The following SORCS1 variants were observed in gnomAD, a reference collection of about 807,000 sequenced individuals.
The protein encoded by SORCS1 is VPS10 domain-containing receptor SorCS1.
In SORCS1, 60 loss-of-function variants were observed where a neutral mutation model predicts 146.1. The ratio of observed to expected loss-of-function variants is 0.41; its 90% CI spans 0.33 to 0.51. SORCS1 has a LOEUF of 0.51. SORCS1 is among the 20% of genes least tolerant of loss of function. The probability of loss-of-function intolerance (pLI) is 0.21; values close to 1 mark genes in which losing one functional copy is unlikely to be tolerated. For synonymous variants in SORCS1, 637 were observed against 584.0 expected (o/e 1.09, Z -1.31); for missense variants, 1,352 against 1,487.6 (o/e 0.91, Z 1.50).
chr10:106,947,022 G>A (rs752852946), intron 2 of SORCS1, among the ~76,000 whole-genome samples: 12 of 152,142 alleles, frequency 7.9e-5, no homozygotes, highest in Non-Finnish European at 1.8e-4. Flanking sequence ...GGTCCACAGT[G>A]CCACAGTCCA....
chr10:106,643,889 A>G (rs577908688), intron 18 of SORCS1, among the ~76,000 whole-genome samples: 2 of 152,310 alleles, frequency 1.3e-5, no homozygotes, highest in South Asian at 4.1e-4. Flanking sequence ...CTTGTTTCAG[A>G]TCTTGCTATA....
chr10:106,801,161 T>C (rs1372401880), intron 3 of SORCS1, among the ~76,000 whole-genome samples: 1 of 152,168 alleles, frequency 6.6e-6, no homozygotes, highest in Non-Finnish European at 1.5e-5. Context: ...ATTAGCTCAT[T>C]AAATATTTAT....
At chr10:106,800,582 C>T (rs1388212806) in intron 3 of SORCS1, among the ~76,000 whole-genome samples, 7 of 139,406 alleles carry the variant, frequency 5.0e-5, no homozygotes, top group East Asian at 2.1e-4. Flanking sequence ...AGTGTAGTGG[C>T]GCGATCTCGG....
intron 1 of SORCS1, among the ~76,000 whole-genome samples, chr10:107,055,007 C>A (rs1432643111): frequency 1.3e-5 from 2 of 152,138 alleles, no homozygotes; most frequent in African/African-American, 4.8e-5. Flanking sequence ...GACATGAACA[C>A]AGATACCTCT....
chr10:106,815,365 T>C (rs1432458719), intron 3 of SORCS1, among the ~76,000 whole-genome samples: 2 of 152,190 alleles, frequency 1.3e-5, no homozygotes, highest in African/African-American at 4.8e-5. Context: ...AGATACATAA[T>C]ATCCAGTATC....
rs188521384 is a variant in SORCS1 at position 106,821,361 on chromosome 10, A to G, written c.726+8213T>C. Reference sequence around the variant, plus strand: ...TTAGAAGAGATTTATAGGTGGACCTATCTATTACCTTTCTACCTATTTATT... The same window carrying G: ...TTAGAAGAGATTTATAGGTGGACCTGTCTATTACCTTTCTACCTATTTATT... On this transcript the variant is annotated intron_variant, in intron 3 of 25. Transcript: ENST00000263054. Among the ~76,000 whole-genome samples, 22 of 152,320 alleles carry G rather than the reference A, an allele frequency of 1.4e-4. 1 individual carries two copies. The East Asian group carries it at 4.2e-3, about 29-fold the overall frequency.
At chr10:106,913,932 G>T (rs1051978618) in intron 2 of SORCS1, among the ~76,000 whole-genome samples, 1 of 152,144 alleles carries the variant, frequency 6.6e-6, no homozygotes, top group African/African-American at 2.4e-5. Context: ...GAAAATACAA[G>T]TTGAGTCCCT....
chr10:106,958,054 G>A (rs1212779626), intron 1 of SORCS1, among the ~76,000 whole-genome samples: 1 of 152,218 alleles, frequency 6.6e-6, no homozygotes, highest in Non-Finnish European at 1.5e-5. Flanking sequence ...CCGGAAGACA[G>A]CTTCTTTTGG....
chr10:106,585,443 C>A (rs1377591498), intron 24 of SORCS1, among the ~76,000 whole-genome samples: 1 of 152,118 alleles, frequency 6.6e-6, no homozygotes, highest in Non-Finnish European at 1.5e-5. Context: ...CCTACACACA[C>A]AAATGTTCCC....
chr10:106,645,007 A>G (rs1161666858), intron 18 of SORCS1, among the ~76,000 whole-genome samples: 1 of 152,160 alleles, frequency 6.6e-6, no homozygotes, highest in African/African-American at 2.4e-5. Context: ...GCTGGGACAT[A>G]GGTGGTATAC....
At chr10:107,021,513 CAAAAAAAAAAAAAAAA>C (rs869141427) in intron 1 of SORCS1, among the ~76,000 whole-genome samples, 3 of 68,596 alleles carry the variant, frequency 4.4e-5, no homozygotes, top group South Asian at 6.3e-4. Context: ...CACTCCGTCT[CAAAAAAAAAAAAAAAA>C]AAAAAAAAAA....
Position 106,577,411 on chromosome 10 carries a change from G to A in SORCS1, c.*9C>T. 1 of 1,613,858 alleles carries A rather than the reference G, an allele frequency of 6.2e-7. No individual in the cohort carries two copies. Among genetic ancestry groups the A allele is most frequent in the Non-Finnish European group, 8.5e-7 (1 of 1,179,804 alleles). ...TCAGCAGGTCGCCTGTAGCCTTTGG[G>A]GGTTTTCCTTAAATTGCATACTGTG... On this transcript the variant is annotated 3_prime_UTR_variant, in exon 26 of 26. Transcript: ENST00000263054.
At chr10:106,594,803 C>G (rs1272437554) in intron 24 of SORCS1, among the ~76,000 whole-genome samples, 1 of 152,212 alleles carries the variant, frequency 6.6e-6, no homozygotes, top group Non-Finnish European at 1.5e-5. Context: ...ACCCAGACTT[C>G]AGTATGGAAT....
chr10:106,782,582 G>C (rs1860980073), intron 3 of SORCS1, among the ~76,000 whole-genome samples: 1 of 152,168 alleles, frequency 6.6e-6, no homozygotes, highest in African/African-American at 2.4e-5. Context: ...AGATGAGTAA[G>C]GTTTATCAGG....
chr10:107,084,938 C>T (rs555048090), intron 1 of SORCS1, among the ~76,000 whole-genome samples: 1 of 152,176 alleles, frequency 6.6e-6, no homozygotes, highest in Admixed American at 6.5e-5. Flanking sequence ...CATTGATGAT[C>T]TACCAGATAT....
intron 1 of SORCS1, among the ~76,000 whole-genome samples, chr10:107,050,904 C>T (rs552421034): frequency 2.0e-4 from 31 of 152,242 alleles, no homozygotes; most frequent in Admixed American, 2.0e-3. Flanking sequence ...ATGAGTCTTC[C>T]TTATTCATTC....
At chr10:106,641,942 A>C (rs1849098015) in intron 18 of SORCS1, among the ~76,000 whole-genome samples, 1 of 152,218 alleles carries the variant, frequency 6.6e-6, no homozygotes, top group Admixed American at 6.5e-5. Flanking sequence ...ATATTCCCAC[A>C]AACTAAAGTA....
chr10:106,895,588 G>T (rs1225899905), intron 2 of SORCS1, among the ~76,000 whole-genome samples: 1 of 152,166 alleles, frequency 6.6e-6, no homozygotes, highest in Non-Finnish European at 1.5e-5. Flanking sequence ...TCCAGCCTGG[G>T]AGACACAGTA....
At chr10:107,102,725 T>C (rs1965012959) in intron 1 of SORCS1, among the ~76,000 whole-genome samples, 1 of 152,198 alleles carries the variant, frequency 6.6e-6, no homozygotes. Flanking sequence ...CAGCCTTTTC[T>C]ATTCTGCTAA....
Sources: allele counts gnomAD v4.1 joint callset (sites outside exome capture counted in the v4.1 genomes callset), GRCh38; gene constraint gnomAD v4.1.1; transcripts MANE v1.5; gene names NCBI Gene and HGNC (gene_info 2026-07-23, HGNC 2026-07-21).